PDZD4: variants seen among roughly 807,000 people sequenced by gnomAD.
The protein encoded by PDZD4 is PDZ domain-containing protein 4.
Under a neutral mutation model 38.5 loss-of-function variants are expected in PDZD4, and 9 were observed. The ratio of observed to expected loss-of-function variants is 0.23; its 90% CI spans 0.14 to 0.41. PDZD4 has a LOEUF of 0.41. Ranked by LOEUF, PDZD4 falls within the 10% of genes least tolerant of loss-of-function variation. The probability of loss-of-function intolerance (pLI) is 1.00; values close to 1 mark genes in which losing one functional copy is unlikely to be tolerated. For synonymous variants in PDZD4, 349 were observed against 315.7 expected, an observed-to-expected ratio of 1.11 and a Z score of -1.12; for missense variants, 612 against 722.0, an observed-to-expected ratio of 0.85 and a Z score of 1.75.
chrX:153,830,316 G>A lies in PDZD4; in HGVS notation c.-18C>T, dbSNP rs781979053. The A allele has an allele frequency of 1.3e-5, 16 of 1,194,200 alleles. No homozygotes were observed. In the South Asian group the frequency reaches 1.8e-4, roughly 13 times the overall value. On this transcript the variant is annotated 5_prime_UTR_variant, in exon 1 of 8. Coordinates refer to ENST00000393758, the MANE Select transcript of PDZD4 (RefSeq NM_001303512.2). ...CATCCCATGTTGCTGGCCGGCGAGAGGAGGCGGAGGGCGGGAACGGGAAGA... is the reference window on the plus strand; with the variant it reads ...CATCCCATGTTGCTGGCCGGCGAGAAGAGGCGGAGGGCGGGAACGGGAAGA...
At chrX:153,805,378 A>AGGCCC in intron 6 of PDZD4, 127 bp downstream of exon 6, 1 of 491,964 alleles carries the variant, frequency 2.0e-6, no homozygotes, top group Non-Finnish European at 3.5e-6. Context: ...GCCCTGAGAG[A>AGGCCC]CCCCTGCCCA....
At chrX:153,815,638 C>G (rs2064353285) in intron 1 of PDZD4, among the ~76,000 whole-genome samples, 1 of 111,970 alleles carries the variant, frequency 8.9e-6, no homozygotes, top group African/African-American at 3.2e-5. Flanking sequence ...GCTGTGGGCT[C>G]CAGGTCGGGG....
At chrX:153,821,071 A>G (rs1248813308) in intron 1 of PDZD4, among the ~76,000 whole-genome samples, 3 of 112,466 alleles carry the variant, frequency 2.7e-5, no homozygotes, top group African/African-American at 9.7e-5. Flanking sequence ...GAATTCTAGC[A>G]GGGACAAAGA....
At chrX:153,806,168 T>A in intron 4 of PDZD4, 35 bp from the exon 5 acceptor site, 1 of 1,195,661 alleles carries the variant, frequency 8.4e-7, no homozygotes, top group Non-Finnish European at 1.1e-6. Context: ...ACTTGGTGCC[T>A]AACATGCCCT....
In PDZD4 at chrX:153,803,917, G is replaced by A; in HGVS notation, c.1764C>T (p.His588=). 1 of 1,179,249 alleles carries A rather than the reference G, an allele frequency of 8.5e-7. No individual in the cohort carries two copies. Among genetic ancestry groups the A allele is most frequent in the South Asian group, 1.9e-5 (1 of 53,885 alleles). ...GCGTCGGGGCCAGCTGCACGCAGCT[G>A]TGGTAGTGCTCGCCCTCCTGGCCCT... ...RGQGQEGEHY[H]SCVQLAPTRG... The change falls in exon 8 of 8, where the codon CAC becomes CAT. Residue 588 remains histidine (H), a synonymous_variant. Transcript: ENST00000393758.
Position 153,804,253 on chromosome X carries a change from G to A in PDZD4, c.1428C>T (p.Ala476=), listed in dbSNP as rs138846842. The change falls in exon 8 of 8, where the codon GCC becomes GCT. Residue 476 remains alanine, a synonymous_variant. Transcript: ENST00000393758. ...PEKSDKDSTS[A]YNTGESCRST... is the part of the protein sequence containing the mutation. ...TGCGGCAGCTCTCCCCAGTGTTGTAGGCGCTGGTGCTGTCCTTGTCCGACT... is the reference window on the plus strand; with the variant it reads ...TGCGGCAGCTCTCCCCAGTGTTGTAAGCGCTGGTGCTGTCCTTGTCCGACT... The A allele has an allele frequency of 8.0e-4, 961 of 1,207,738 alleles. 2 individuals are homozygous for A. Among genetic ancestry groups the A allele is most frequent in the Non-Finnish European group, 9.5e-4 (850 of 894,558 alleles).
chrX:153,823,353 G>A (rs2064447153), intron 1 of PDZD4, among the ~76,000 whole-genome samples: 1 of 110,294 alleles, frequency 9.1e-6, no homozygotes, highest in Non-Finnish European at 1.9e-5. Flanking sequence ...CGCGTACCTG[G>A]GATTACAGGC....
intron 1 of PDZD4, among the ~76,000 whole-genome samples, chrX:153,820,789 C>T (rs1249522048): frequency 9.0e-6 from 1 of 111,580 alleles, no homozygotes; most frequent in African/African-American, 3.3e-5. Context: ...GTCTCCTCCC[C>T]AGCCCTGCAT....
chrX:153,804,524 G>A lies in PDZD4; in HGVS notation c.1157C>T (p.Ala386Val). Residue 386 changes from alanine to valine, a missense_variant, in exon 8 of 8, where the codon GCC becomes GTC. Ala to Val is a moderately conservative substitution (Grantham distance 64, BLOSUM62 0). This residue lies in a region of PDZD4 where 300 missense variants were observed against 284.6 expected (regional missense o/e 1.05). Coordinates refer to ENST00000393758, the MANE Select transcript of PDZD4 (RefSeq NM_001303512.2). ...GTCCAGGGCGCTGTTGCCTCCGGAG[G>A]CCCGGGGAAAGAGGAGGCCCAGCTG... ...GNQLGLLFPR[A>V]SGGNSALDVN... The A allele has an allele frequency of 8.3e-7, 1 of 1,209,961 alleles. No individual in the cohort carries two copies. The highest frequency in any genetic ancestry group is 1.1e-6 in the Non-Finnish European group (1 of 895,367).
chrX:153,806,722 G>C lies in PDZD4; in HGVS notation c.504+20C>G. Reference sequence around the variant, plus strand: ...GCCATGTGGATGGGCCTCGGGGCTGGGGCATACCCGTCTGCATACCTCTCC... The same window carrying C: ...GCCATGTGGATGGGCCTCGGGGCTGCGGCATACCCGTCTGCATACCTCTCC... On this transcript the variant is annotated intron_variant, in intron 4 of 7. Coordinates refer to ENST00000393758, the MANE Select transcript of PDZD4 (RefSeq NM_001303512.2). The C allele has an allele frequency of 2.5e-6, 3 of 1,199,375 alleles. No individual in the cohort carries two copies. Among genetic ancestry groups the C allele is most frequent in the Non-Finnish European group, 3.4e-6 (3 of 884,769 alleles).
rs782056937 is a variant in PDZD4 at position 153,805,616 on chromosome X, G to A, written c.568-10C>T. On this transcript the variant is annotated splice_polypyrimidine_tract_variant and intron_variant, in intron 5 of 7. Transcript: ENST00000393758. The stretch of plus-strand genomic sequence containing the variant: ...CGTCTACACCGTTAATCTGAGGCAG[G>A]CAGGATACAATCAACAAGCATGCTA... The A allele has an allele frequency of 8.4e-7, 1 of 1,192,474 alleles. No individual in the cohort carries two copies. The highest frequency in any genetic ancestry group is 1.1e-6 in the Non-Finnish European group (1 of 879,580).
chrX:153,804,247 G>T lies in PDZD4; in HGVS notation c.1434C>A (p.Asn478Lys). 2 of 1,208,730 alleles carry T rather than the reference G, an allele frequency of 1.7e-6. No individual in the cohort carries two copies. The highest frequency in any genetic ancestry group is 1.1e-6 in the Non-Finnish European group (1 of 894,744). The stretch of plus-strand genomic sequence containing the variant: ...GGGTGCTGCGGCAGCTCTCCCCAGT[G>T]TTGTAGGCGCTGGTGCTGTCCTTGT... ...KSDKDSTSAY[N>K]TGESCRSTPL... The change falls in exon 8 of 8, where the codon AAC (asparagine) becomes AAA (lysine). Residue 478 changes from asparagine to lysine, a missense_variant. By Grantham distance (94) the Asn-to-Lys change is moderately conservative. This residue lies in a region of PDZD4 where 300 missense variants were observed against 284.6 expected (regional missense o/e 1.05). Transcript: ENST00000393758.
intron 1 of PDZD4, among the ~76,000 whole-genome samples, chrX:153,828,258 C>T (rs2064502355): frequency 8.9e-6 from 1 of 112,619 alleles, no homozygotes; most frequent in Non-Finnish European, 1.9e-5. Context: ...CAGCTCATGG[C>T]TTGCACTGCT....
Position 153,804,614 on chromosome X carries a change from G to A in PDZD4, c.1067C>T (p.Thr356Met), listed in dbSNP as rs369369481. The A allele has an allele frequency of 1.7e-6, 2 of 1,209,502 alleles. No homozygotes were observed. The highest frequency in any genetic ancestry group is 2.2e-6 in the Non-Finnish European group (2 of 895,325). The change falls in exon 8 of 8, where the codon ACG becomes ATG. Residue 356 changes from threonine (T) to methionine (M), a missense_variant. Physicochemically the swap from Thr to Met is moderately conservative, Grantham distance 81 (BLOSUM62 -1). Coordinates refer to ENST00000393758, the MANE Select transcript of PDZD4 (RefSeq NM_001303512.2). ...ACGGTAGCGCTCATACTCCTCATCC[G>A]TGAGGCCCGGGACGTCGCCCCCTCC... ...GLGGGDVPGL[T>M]DEEYERYREL...
At chrX:153,814,656 T>C (rs1453411699) in intron 1 of PDZD4, among the ~76,000 whole-genome samples, 7 of 111,407 alleles carry the variant, frequency 6.3e-5, no homozygotes, top group African/African-American at 2.3e-4. Context: ...ACCTCCCTCC[T>C]TTGGAACAAT....
At chrX:153,818,712 G>A (rs2064387587) in intron 1 of PDZD4, among the ~76,000 whole-genome samples, 1 of 111,309 alleles carries the variant, frequency 9.0e-6, no homozygotes, top group African/African-American at 3.3e-5. Flanking sequence ...GCCGGGTGGG[G>A]AAGCTCGACC....
At chrX:153,830,205 G>GGCCGCGCCCCCGCCGCAGC in intron 1 of PDZD4, 34 bp downstream of exon 1, 1 of 1,177,059 alleles carries the variant, frequency 8.5e-7, no homozygotes. Flanking sequence ...CCCCGCGGAG[G>GGCCGCGCCCCCGCCGCAGC]GCCGCGCCCC....
At position 153,805,179 on chromosome X, in the gene PDZD4, C is replaced by T. The variant is rs782194751; in HGVS notation, c.698G>A (p.Arg233Gln). 13 of 1,209,696 alleles carry T rather than the reference C, an allele frequency of 1.1e-5. No homozygotes were observed. Among genetic ancestry groups the T allele is most frequent in the Admixed American group, 4.4e-5 (2 of 45,862 alleles). ...GCCAAAGTCATCCAGGAAGTCATCC[C>T]GGTCGCTGTCCTTCCACCTTTTCGC... The part of the protein sequence containing the change: ...QLAKRWKDSD[R>Q]DDFLDDFGSE... The change falls in exon 7 of 8, where the codon CGG (arginine) becomes CAG (glutamine). Residue 233 changes from arginine to glutamine, a missense_variant. Arg to Gln is a conservative substitution (Grantham distance 43, BLOSUM62 1). Coordinates refer to ENST00000393758, the MANE Select transcript of PDZD4 (RefSeq NM_001303512.2).
rs782408883 is a variant in PDZD4, at chrX:153,808,424, A to G, written c.232T>C (p.Phe78Leu). The change falls in exon 2 of 8, where the codon TTC becomes CTC. Residue 78 changes from phenylalanine (F) to leucine (L), a missense_variant. Phe to Leu is a conservative substitution (Grantham distance 22). This residue lies in a region of PDZD4 where 225 missense variants were observed against 311.0 expected (regional missense o/e 0.72). Coordinates refer to ENST00000393758, the MANE Select transcript of PDZD4 (RefSeq NM_001303512.2). ...TTGCCCAGCGCCATGATATGCTCGA[A>G]GGTGATGTCGGTCTGAGTGCCACTG... Reference protein sequence around the residue: ...VDSGTQTDITFEHIMALGKLR... With the variant: ...VDSGTQTDITLEHIMALGKLR... The G allele has an allele frequency of 2.5e-6, 3 of 1,211,368 alleles. No individual in the cohort carries two copies. Among genetic ancestry groups the G allele is most frequent in the Non-Finnish European group, 3.4e-6 (3 of 895,494 alleles).
Sources: gnomAD v4.1 joint callset for allele counts (sites outside exome capture counted in the v4.1 genomes callset) on GRCh38, gnomAD v4.1.1 for gene constraint, gnomAD v4.1.1 regional missense constraint, MANE v1.5 for transcripts, NCBI Gene and HGNC (gene_info 2026-07-23, HGNC 2026-07-21) for gene names.